CCL24: variants seen among roughly 807,000 people sequenced by gnomAD.
CCL24 encodes the protein C-C motif chemokine ligand 24.
A neutral mutation model predicts 8.6 loss-of-function variants in CCL24; 6 were observed. That is an observed-to-expected ratio of 0.70 (90% confidence interval 0.38 to 1.38). The LOEUF is 1.38. Among genes scored for constraint, CCL24 ranks in the 40% most tolerant of loss-of-function variants. The pLI, the probability that CCL24 is intolerant of heterozygous loss-of-function variation, is 0.02. For synonymous variants in CCL24, 59 were observed against 52.7 expected (o/e 1.12, Z -0.52); for missense variants, 126 against 147.1 (o/e 0.86, Z 0.74).
intron 1 of CCL24, among the ~76,000 whole-genome samples, chr7:75,820,817 A>G (rs1804032583): frequency 1.8e-5 from 1 of 56,564 alleles, no homozygotes; most frequent in Non-Finnish European, 3.8e-5. Context: ...CCATTCACTA[A>G]TCCATCCATC....
intron 1 of CCL24, among the ~76,000 whole-genome samples, chr7:75,819,232 C>T (rs1359622357): frequency 3.0e-4 from 35 of 115,442 alleles, no homozygotes; most frequent in Middle Eastern, 6.8e-3. Context: ...CGCACCATTG[C>T]ACGCCAGACT....
intron 1 of CCL24, 93 bp from the exon 2 acceptor site, chr7:75,813,516 C>T (rs1340451488): frequency 8.0e-6 from 10 of 1,253,388 alleles, no homozygotes; most frequent in East Asian, 7.0e-5. Context: ...CACCAAACAC[C>T]GCCAGTCCAT....
At chr7:75,817,295 G>A (rs7776672), upstream of CCL24, among the ~76,000 whole-genome samples, 8 of 151,616 alleles carry the variant, frequency 5.3e-5, no homozygotes, top group Admixed American at 4.6e-4. Flanking sequence ...GAGGAAGTTG[G>A]GGGGAGAAAG....
chr7:75,820,816 A>ATCC (rs1804032522), intron 1 of CCL24, among the ~76,000 whole-genome samples: 1 of 139,122 alleles, frequency 7.2e-6, no homozygotes, highest in Admixed American at 7.1e-5. Context: ...TCCATTCACT[A>ATCC]ATCCATCCAT....
intron 1 of CCL24, among the ~76,000 whole-genome samples, chr7:75,820,181 CCTT>C (rs1804015926): frequency 9.3e-6 from 1 of 107,494 alleles, no homozygotes; most frequent in African/African-American, 3.4e-5. Context: ...TTCTCCTTCT[CCTT>C]CTCCTTCTCC....
rs143525277 is a variant in CCL24, at chr7:75,820,323, C to T, written c.-60+2999G>A. Among the ~76,000 whole-genome samples, 773 of 151,926 alleles carry T rather than the reference C, an allele frequency of 5.1e-3. 6 individuals are homozygous for T. The highest frequency in any genetic ancestry group is 0.017 in the African/African-American group (700 of 41,456). On this transcript the variant is annotated intron_variant, in intron 1 of 3. Coordinates refer to the CCL24 transcript ENST00000416943. The stretch of plus-strand genomic sequence containing the variant: ...CCTCCCGAGTAGCTGGGATTACAGG[C>T]GCACGCCACCACACCCAGCTAATTT...
chr7:75,811,740 G>T lies in CCL24; in HGVS notation c.*56C>A. 6.6e-7 allele frequency: 1 copy of T among 1,515,336 alleles called. No homozygotes were observed. Among genetic ancestry groups the T allele is most frequent in the African/African-American group, 1.4e-5 (1 of 72,182 alleles). 93.9% of individuals were successfully genotyped at this position (1,515,336 alleles called of 1,614,324 possible). A position where few individuals can be genotyped will look rare whatever the true frequency, so the allele number is the denominator to read the frequency against. ...CATCACTGTGGCTTCTCCAGGCCCC[G>T]AGTAGCCCGCCAAGCAGCTCAGGCC... On this transcript the variant is annotated 3_prime_UTR_variant, in exon 3 of 3. Transcript: ENST00000222902.
At position 75,812,497 on chromosome 7, in the gene CCL24, G is replaced by A. The variant is rs561459624; in HGVS notation, c.192-533C>T. Among the ~76,000 whole-genome samples the A allele has an allele frequency of 3.9e-5, 6 of 152,286 alleles. No individual in the cohort carries two copies. The South Asian group carries it at 1.2e-3, about 32-fold the overall frequency. On this transcript the variant is annotated intron_variant, in intron 2 of 2. Transcript: ENST00000222902. ...TGTCAGCCCACGTGACCTTGAGCAA[G>A]TTACCTTCCTGAGCCTCAGCTGTCC...
chr7:75,823,316 A>G (rs1804087265), intron 1 of CCL24: 1 of 152,388 alleles, frequency 6.6e-6, no homozygotes, highest in South Asian at 2.1e-4. Context: ...CAGGGGAGCC[A>G]CTTACCCGGA....
chr7:75,822,239 A>G (rs368054357), intron 1 of CCL24, among the ~76,000 whole-genome samples: 23 of 152,200 alleles, frequency 1.5e-4, no homozygotes, highest in African/African-American at 4.8e-4. Context: ...ACAGTGTAGT[A>G]CCATGGGGAG....
In CCL24 at chr7:75,811,135, G is replaced by A. The variant is rs1191970330; in HGVS notation, c.*661C>T. ...CTGGCCCTTCACCCCAGTCCTCCAC[G>A]TTCATTTCCTTTAAAAAAAAAAAAA... On this transcript the variant is annotated 3_prime_UTR_variant, in exon 3 of 3. Transcript: ENST00000222902. 4.1e-5 allele frequency among the ~76,000 whole-genome samples: 6 copies of A among 147,004 alleles called. No individual in the cohort carries two copies. Among genetic ancestry groups the A allele is most frequent in the East Asian group, 2.0e-4 (1 of 4,936 alleles).
At chr7:75,815,351 A>G (rs1035434998), upstream of CCL24, among the ~76,000 whole-genome samples, 5 of 150,562 alleles carry the variant, frequency 3.3e-5, no homozygotes. Context: ...AAAAAAAAAA[A>G]AAAAGAAAGG....
At chr7:75,821,638 A>T (rs568350915) in intron 1 of CCL24, among the ~76,000 whole-genome samples, 249 of 152,048 alleles carry the variant, frequency 1.6e-3, no homozygotes, top group Admixed American at 4.0e-3. Flanking sequence ...ATGTCCAATA[A>T]ATTATCAGAA....
chr7:75,822,945 C>T (rs1804079296), intron 1 of CCL24, among the ~76,000 whole-genome samples: 1 of 152,196 alleles, frequency 6.6e-6, no homozygotes, highest in African/African-American at 2.4e-5. Context: ...GGAACCTATG[C>T]CCTTGTCATG....
upstream of CCL24, among the ~76,000 whole-genome samples, chr7:75,814,558 C>T (rs868931065): frequency 6.6e-6 from 1 of 151,886 alleles, no homozygotes; most frequent in Non-Finnish European, 1.5e-5. Flanking sequence ...CAGAGCAACA[C>T]CCTGTCTTAA....
chr7:75,820,133 C>CTTCTTCTTCTTCTTCTT (rs1563354037), intron 1 of CCL24, among the ~76,000 whole-genome samples: 22 of 78,602 alleles, frequency 2.8e-4, no homozygotes, highest in Admixed American at 1.0e-3. Flanking sequence ...TTCTTCTTCT[C>CTTCTTCTTCTTCTTCTT]CTCCTCCTCC....
intron 1 of CCL24, among the ~76,000 whole-genome samples, chr7:75,821,721 G>A (rs1554535101): frequency 6.6e-6 from 1 of 152,064 alleles, no homozygotes; most frequent in African/African-American, 2.4e-5. Flanking sequence ...GAGGTCAGGA[G>A]TTTGAGACCA....
Position 75,811,845 on chromosome 7 carries a change from G to A in CCL24, c.311C>T (p.Ala104Val). 6.2e-7 allele frequency: 1 copy of A among 1,613,320 alleles called. No homozygotes were observed. The highest frequency in any genetic ancestry group is 1.1e-5 in the South Asian group (1 of 91,016). Residue 104 changes from alanine (A) to valine (V), a missense_variant, in exon 3 of 3, where the codon GCT becomes GTT. Ala to Val is a moderately conservative substitution (Grantham distance 64). Transcript: ENST00000222902. ...KKASPRARAV[A>V]VKGPVQRYPG... The stretch of plus-strand genomic sequence containing the variant: ...ATATCTCTGGACAGGGCCCTTGACA[G>A]CCACTGCCCTGGCCCTAGGGGAAGC...
At chr7:75,822,397 T>G (rs1804069513) in intron 1 of CCL24, among the ~76,000 whole-genome samples, 1 of 152,182 alleles carries the variant, frequency 6.6e-6, no homozygotes, top group Non-Finnish European at 1.5e-5. Flanking sequence ...CCCAGGATGG[T>G]GGAGGGAGTA....
Sources: gnomAD v4.1 joint callset for allele counts (sites outside exome capture counted in the v4.1 genomes callset) on GRCh38, gnomAD v4.1.1 for gene constraint, MANE v1.5 for transcripts, NCBI Gene and HGNC (gene_info 2026-07-23, HGNC 2026-07-21) for gene names.